The following SLC7A6OS variants were observed in gnomAD, a reference collection of about 807,000 sequenced individuals.
The protein encoded by SLC7A6OS is probable RNA polymerase II nuclear localization protein SLC7A6OS.
A neutral mutation model predicts 34.3 loss-of-function variants in SLC7A6OS; 22 were observed. The ratio of observed to expected loss-of-function variants is 0.64; its 90% CI spans 0.46 to 0.92. The LOEUF (loss-of-function observed/expected upper bound fraction) is 0.92. SLC7A6OS is among the 40% of genes least tolerant of loss of function. The pLI, the probability that SLC7A6OS is intolerant of heterozygous loss-of-function variation, is 0.00. For missense variants in SLC7A6OS, 434 were observed against 407.7 expected (o/e 1.06, Z -0.56); for synonymous variants, 199 against 165.0 (o/e 1.21, Z -1.58).
chr16:68,310,163 T>C (rs1406512897), intron 2 of SLC7A6OS, among the ~76,000 whole-genome samples, 172 bp downstream of exon 2: 1 of 152,168 alleles, frequency 6.6e-6, no homozygotes, highest in Non-Finnish European at 1.5e-5. Context: ...ACCTGGCATA[T>C]CGTAGGCACG....
At chr16:68,306,198 T>G (rs2043325386) in intron 2 of SLC7A6OS, among the ~76,000 whole-genome samples, 1 of 152,222 alleles carries the variant, frequency 6.6e-6, no homozygotes, top group Non-Finnish European at 1.5e-5. Flanking sequence ...TTTTTTCAAA[T>G]TTCCCATAAT....
chr16:68,302,347 T>C, intron 4 of SLC7A6OS, 34 bp downstream of exon 4: 1 of 1,613,212 alleles, frequency 6.2e-7, no homozygotes, highest in Non-Finnish European at 8.5e-7. Flanking sequence ...TCTCAGATCC[T>C]ACCAGTCCCT....
At chr16:68,308,075 T>C (rs1289629964) in intron 2 of SLC7A6OS, among the ~76,000 whole-genome samples, 2 of 152,082 alleles carry the variant, frequency 1.3e-5, no homozygotes, top group African/African-American at 4.8e-5. Context: ...CTAATTTTTG[T>C]ATTTTTAGTA....
intron 2 of SLC7A6OS, 122 bp from the exon 3 acceptor site, chr16:68,304,354 T>C (rs2043310909): frequency 3.6e-6 from 3 of 837,028 alleles, no homozygotes; most frequent in Non-Finnish European, 5.8e-6. Flanking sequence ...GGAGTCTCAC[T>C]CTGTCGCCCA....
At position 68,299,195 on chromosome 16, in the gene SLC7A6OS, C is replaced by A. The variant is rs2043226354; in HGVS notation, c.*2080G>T. 6.6e-6 allele frequency: 1 copy of A among 152,642 alleles called. No individual in the cohort carries two copies. Among genetic ancestry groups the A allele is most frequent in the Non-Finnish European group, 1.5e-5 (1 of 68,018 alleles). The allele number at this position is 152,642 out of a possible 1,614,324, so 9.5% of individuals were successfully genotyped here. A position where few individuals can be genotyped will look rare whatever the true frequency, so the allele number is the denominator to read the frequency against. ...TGTCTGAGCTAAGCTGGCACCCATC[C>A]CAGGGCTCCTCTGGAGCTAATCCTT... On this transcript the variant is annotated 3_prime_UTR_variant, in exon 5 of 5. Transcript: ENST00000263997.
chr16:68,300,982 C>T lies in SLC7A6OS; in HGVS notation c.*293G>A. ...CAGAACCTGAATGCCAGGAAAAATT[C>T]CTGGGCCAAGAAGCTAAAGCTAAAG... On this transcript the variant is annotated 3_prime_UTR_variant, in exon 5 of 5. Coordinates refer to ENST00000263997, the MANE Select transcript of SLC7A6OS (RefSeq NM_032178.3). The T allele has an allele frequency of 9.6e-6, 10 of 1,041,826 alleles. No homozygotes were observed. The highest frequency in any genetic ancestry group is 1.2e-5 in the Non-Finnish European group (10 of 867,176). The allele number at this position is 1,041,826 out of a possible 1,614,324, so 64.5% of individuals were successfully genotyped here.
intron 3 of SLC7A6OS, among the ~76,000 whole-genome samples, chr16:68,303,241 G>A (rs1012799633): frequency 4.1e-5 from 6 of 147,602 alleles, no homozygotes; most frequent in African/African-American, 1.5e-4. Flanking sequence ...TCCAGCCTGG[G>A]TGACAGAGCG....
At position 68,310,863 on chromosome 16, in the gene SLC7A6OS, C is replaced by A; in HGVS notation, c.64G>T (p.Ala22Ser). 6.2e-7 allele frequency: 1 copy of A among 1,611,416 alleles called. No homozygotes were observed. ...KRKRSAEPAE[A>S]LVLACKRLRS... is the part of the protein sequence containing the mutation. ...AGGCGTTTACAAGCGAGCACAAGAG[C>A]CTCCGCCGGCTCCGCACTGCGCTTC... The change falls in exon 1 of 5, where the codon GCT (alanine) becomes TCT (serine). Residue 22 changes from alanine to serine, a missense_variant. Coordinates refer to ENST00000263997, the MANE Select transcript of SLC7A6OS (RefSeq NM_032178.3).
At position 68,301,015 on chromosome 16, in the gene SLC7A6OS, C is replaced by A; in HGVS notation, c.*260G>T. The A allele has an allele frequency of 1.8e-6, 2 of 1,128,960 alleles. No individual in the cohort carries two copies. Among genetic ancestry groups the A allele is most frequent in the Non-Finnish European group, 2.2e-6 (2 of 923,508 alleles). The allele number at this position is 1,128,960 out of a possible 1,614,324, so 69.9% of individuals were successfully genotyped here. On this transcript the variant is annotated 3_prime_UTR_variant, in exon 5 of 5. Transcript: ENST00000263997. ...AAGAAGCTAAAGCTAAAGAAACCTT[C>A]CTTTTTTCAACGTTTTTTTTTCTTT...
chr16:68,300,934 C>T lies in SLC7A6OS; in HGVS notation c.*341G>A, dbSNP rs924590759. 2.0e-5 allele frequency: 20 copies of T among 1,006,218 alleles called. No individual in the cohort carries two copies. Among genetic ancestry groups the T allele is most frequent in the African/African-American group, 1.6e-4 (9 of 58,012 alleles). The allele number at this position is 1,006,218 out of a possible 1,614,324, so 62.3% of individuals were successfully genotyped here. On this transcript the variant is annotated 3_prime_UTR_variant, in exon 5 of 5. Coordinates refer to ENST00000263997, the MANE Select transcript of SLC7A6OS (RefSeq NM_032178.3). ...CTTACTGCTAATGAAATGGGAACCT[C>T]CCCCTCCCTTGTGGTTTCAGCACAG... is the stretch of plus-strand genomic sequence containing the variant.
In SLC7A6OS at chr16:68,310,825, C is replaced by T. The variant is rs1284135537; in HGVS notation, c.102G>A (p.Ala34=). 6 of 1,613,594 alleles carry T rather than the reference C, an allele frequency of 3.7e-6. No individual in the cohort carries two copies. The highest frequency in any genetic ancestry group is 2.2e-5 in the East Asian group (1 of 44,890). The change falls in exon 1 of 5, where the codon GCG becomes GCA. Residue 34 remains alanine, a synonymous_variant. Transcript: ENST00000263997. ...ACGTCTTCTGTGCCGCTGACTCGAC[C>T]GCGTCGCTCCGGAGGCGTTTACAAG... ...VLACKRLRSD[A]VESAAQKTSE... is the part of the protein sequence containing the mutation.
chr16:68,301,031 T>C lies in SLC7A6OS; in HGVS notation c.*244A>G, dbSNP rs2043263121. 1 of 1,166,298 alleles carries C rather than the reference T, an allele frequency of 8.6e-7. No individual in the cohort carries two copies. Among genetic ancestry groups the C allele is most frequent in the East Asian group, 4.1e-5 (1 of 24,668 alleles). 72.2% of individuals were successfully genotyped at this position (1,166,298 alleles called of 1,614,324 possible). A position where few individuals can be genotyped will look rare whatever the true frequency, so the allele number is the denominator to read the frequency against. Reference sequence around the variant, plus strand: ...AGAAACCTTCCTTTTTTCAACGTTTTTTTTTCTTTCAAACTGTAGGGTCAC... The same window carrying C: ...AGAAACCTTCCTTTTTTCAACGTTTCTTTTTCTTTCAAACTGTAGGGTCAC... On this transcript the variant is annotated 3_prime_UTR_variant, in exon 5 of 5. Transcript: ENST00000263997.
At chr16:68,306,192 T>C (rs2043325327) in intron 2 of SLC7A6OS, among the ~76,000 whole-genome samples, 1 of 152,226 alleles carries the variant, frequency 6.6e-6, no homozygotes, top group African/African-American at 2.4e-5. Context: ...GCTATATTTT[T>C]TCAAATTTCC....
In SLC7A6OS at chr16:68,302,475, G is replaced by A. The variant is rs2043291198; in HGVS notation, c.705C>T (p.Asp235=). The change falls in exon 4 of 5, where the codon GAC becomes GAT. Residue 235 remains aspartate, a synonymous_variant. Coordinates refer to ENST00000263997, the MANE Select transcript of SLC7A6OS (RefSeq NM_032178.3). ...TCTCGTCATCTTCATCGTCGTAAAT[G>A]TCCTCTGGTTCTTGATCATCATTCA... The part of the protein sequence containing the change: ...ELVNDDQEPE[D]IYDDEDDENS... 6.2e-7 allele frequency: 1 copy of A among 1,614,000 alleles called. No homozygotes were observed. Among genetic ancestry groups the A allele is most frequent in the Non-Finnish European group, 8.5e-7 (1 of 1,180,022 alleles).
chr16:68,300,972 A>T lies in SLC7A6OS; in HGVS notation c.*303T>A. 1 of 1,032,844 alleles carries T rather than the reference A, an allele frequency of 9.7e-7. No individual in the cohort carries two copies. Among genetic ancestry groups the T allele is most frequent in the Non-Finnish European group, 1.2e-6 (1 of 861,186 alleles). 64.0% of individuals were successfully genotyped at this position (1,032,844 alleles called of 1,614,324 possible). ...GGTTTCAGCACAGAACCTGAATGCC[A>T]GGAAAAATTCCTGGGCCAAGAAGCT... On this transcript the variant is annotated 3_prime_UTR_variant, in exon 5 of 5. Coordinates refer to ENST00000263997, the MANE Select transcript of SLC7A6OS (RefSeq NM_032178.3).
intron 2 of SLC7A6OS, among the ~76,000 whole-genome samples, chr16:68,308,421 A>T (rs997968645): frequency 1.3e-5 from 2 of 151,034 alleles, no homozygotes; most frequent in Non-Finnish European, 3.0e-5. Flanking sequence ...TGAGGTCAGG[A>T]GTTCAAGACC....
At position 68,310,450 on chromosome 16, in the gene SLC7A6OS, T is replaced by G; in HGVS notation, c.356A>C (p.Gln119Pro). ...RRSLGTTSSGQESEYTPGNPE... is the reference protein window; with the variant it reads ...RRSLGTTSSGPESEYTPGNPE... ...GTTCCCCGGCGTGTACTCGGACTCC[T>G]GGCCGCTCGAGGTGGTCCCCAAGGA... The change falls in exon 2 of 5, where the codon CAG (glutamine) becomes CCG (proline). Residue 119 changes from glutamine to proline, a missense_variant. By Grantham distance (76) the Gln-to-Pro change is moderately conservative. Transcript: ENST00000263997. 1 of 1,603,576 alleles carries G rather than the reference T, an allele frequency of 6.2e-7. No individual in the cohort carries two copies. The highest frequency in any genetic ancestry group is 1.1e-5 in the South Asian group (1 of 89,592).
intron 2 of SLC7A6OS, 32 bp from the exon 3 acceptor site, chr16:68,304,264 C>A (rs1236244525): frequency 6.3e-7 from 1 of 1,584,328 alleles, no homozygotes; most frequent in African/African-American, 1.3e-5. Context: ...CACACACACG[C>A]ATGACCCAAA....
At position 68,310,321 on chromosome 16, in the gene SLC7A6OS, A is replaced by G. The variant is rs751077578; in HGVS notation, c.471+14T>C. The stretch of plus-strand genomic sequence containing the variant: ...CCTGAGAAGCCCAGCGACCACCTTC[A>G]GGGGCATACTCACTTTGCAGGAGCC... On this transcript the variant is annotated intron_variant, in intron 2 of 4. Coordinates refer to ENST00000263997, the MANE Select transcript of SLC7A6OS (RefSeq NM_032178.3). The G allele has an allele frequency of 6.3e-7, 1 of 1,579,910 alleles. No homozygotes were observed. Among genetic ancestry groups the G allele is most frequent in the Non-Finnish European group, 8.6e-7 (1 of 1,158,720 alleles).
Sources: allele counts gnomAD v4.1 joint callset (sites outside exome capture counted in the v4.1 genomes callset), GRCh38; gene constraint gnomAD v4.1.1; transcripts MANE v1.5; gene names NCBI Gene and HGNC (gene_info 2026-07-23, HGNC 2026-07-21).